The following LINGO2 variants were observed in gnomAD, a reference collection of about 807,000 sequenced individuals.
The protein encoded by LINGO2 is leucine rich repeat and Ig domain containing 2.
In LINGO2, 14 loss-of-function variants were observed where a neutral mutation model predicts 30.6. That is an observed-to-expected ratio of 0.46 (90% CI 0.30 to 0.72). The LOEUF (loss-of-function observed/expected upper bound fraction) is 0.72, where lower values mean the gene tolerates loss of function less well. Among genes scored for constraint, LINGO2 ranks in the 30% least tolerant of loss-of-function variants. The pLI is 0.07. For synonymous variants in LINGO2, 317 were observed against 288.5 expected (o/e 1.10, Z -1.00); for missense variants, 729 against 751.7 (o/e 0.97, Z 0.35).
At chr9:28,049,291 C>G (rs992467567) in intron 4 of LINGO2, among the ~76,000 whole-genome samples, 1 of 150,712 alleles carries the variant, frequency 6.6e-6, no homozygotes, top group African/African-American at 2.5e-5. Flanking sequence ...CCCTGTTGGT[C>G]TAGTGGAGGT....
intron 4 of LINGO2, among the ~76,000 whole-genome samples, chr9:28,053,483 T>C (rs761312126): frequency 9.2e-5 from 14 of 152,092 alleles, no homozygotes; most frequent in Non-Finnish European, 1.2e-4. Flanking sequence ...TTGACAAAAA[T>C]AGAATAGAAA....
chr9:28,420,608 G>T (rs1322526883), intron 2 of LINGO2, among the ~76,000 whole-genome samples: 1 of 152,044 alleles, frequency 6.6e-6, no homozygotes, highest in Non-Finnish European at 1.5e-5. Flanking sequence ...CTGGGGAGGG[G>T]CCAGGGATTT....
chr9:28,352,979 T>G (rs1470178755), intron 3 of LINGO2, among the ~76,000 whole-genome samples: 2 of 149,170 alleles, frequency 1.3e-5, no homozygotes, highest in Admixed American at 6.7e-5. Context: ...ATCCCTTCCT[T>G]ACACCTTATA....
intron 4 of LINGO2, among the ~76,000 whole-genome samples, chr9:28,289,026 C>T (rs1203365020): frequency 6.6e-6 from 1 of 152,114 alleles, no homozygotes; most frequent in African/African-American, 2.4e-5. Flanking sequence ...CAAATCTTTA[C>T]TTTAAAAAAT....
the LINGO2 span, among the ~76,000 whole-genome samples, chr9:28,692,433 C>T: frequency 1.3e-5 from 2 of 152,006 alleles, no homozygotes; most frequent in African/African-American, 4.8e-5. Context: ...CAAGATCGTG[C>T]CAGTTCACTT....
the LINGO2 span, among the ~76,000 whole-genome samples, chr9:28,679,472 G>A: frequency 3.3e-5 from 5 of 152,034 alleles, no homozygotes; most frequent in African/African-American, 7.2e-5. Flanking sequence ...TCCTCAAAAC[G>A]GAAAGTATAA....
At chr9:28,856,937 G>C in the LINGO2 span, among the ~76,000 whole-genome samples, 12 of 152,064 alleles carry the variant, frequency 7.9e-5, no homozygotes, top group African/African-American at 2.7e-4. Flanking sequence ...GGTGATGGGA[G>C]ATGAAGGATG....
At position 28,143,896 on chromosome 9, in the gene LINGO2, T is replaced by G. The variant is rs541218088; in HGVS notation, c.-86-131491A>C. Among the ~76,000 whole-genome samples, 348 of 152,270 alleles carry G rather than the reference T, an allele frequency of 2.3e-3. 2 individuals are homozygous for G. The highest frequency in any genetic ancestry group is 8.1e-3 in the African/African-American group (336 of 41,570). ...AAACAAGAGGTAATTATTAGATCTT[T>G]TTGGTTATATTTATTTTTATAAAAA... is the stretch of plus-strand genomic sequence containing the variant. On this transcript the variant is annotated intron_variant, in intron 4 of 5. Transcript: ENST00000379992.
the LINGO2 span, among the ~76,000 whole-genome samples, chr9:28,951,024 G>A: frequency 6.6e-6 from 1 of 152,122 alleles, no homozygotes; most frequent in Non-Finnish European, 1.5e-5. Context: ...AAACAGCATG[G>A]TACTGGTACC....
chr9:28,109,022 C>A (rs1404845787), intron 4 of LINGO2, among the ~76,000 whole-genome samples: 1 of 152,150 alleles, frequency 6.6e-6, no homozygotes, highest in East Asian at 1.9e-4. Context: ...CCAAATCCAG[C>A]AGCACATCAA....
At chr9:28,128,996 C>A (rs900247041) in intron 4 of LINGO2, among the ~76,000 whole-genome samples, 2 of 152,108 alleles carry the variant, frequency 1.3e-5, no homozygotes, top group African/African-American at 4.8e-5. Flanking sequence ...AGTCTTCTGG[C>A]CTTCATCTTT....
chr9:28,064,356 T>G (rs1209092574), intron 4 of LINGO2, among the ~76,000 whole-genome samples: 1 of 152,142 alleles, frequency 6.6e-6, no homozygotes, highest in Non-Finnish European at 1.5e-5. Flanking sequence ...TATAGCAGGT[T>G]GGATTTCCAG....
intron 2 of LINGO2, among the ~76,000 whole-genome samples, chr9:28,432,442 A>T (rs1413642161): frequency 6.6e-6 from 1 of 151,834 alleles, no homozygotes; most frequent in African/African-American, 2.4e-5. Context: ...TTTCAACTGC[A>T]ATTTCAAGAA....
At chr9:27,942,642 A>T in the LINGO2 span, 1 of 152,142 alleles carries the variant, frequency 6.6e-6, no homozygotes, top group Non-Finnish European at 1.5e-5. Flanking sequence ...GTTCTTGGTT[A>T]TTAACTTTCA....
intron 5 of LINGO2, among the ~76,000 whole-genome samples, chr9:27,986,825 G>T (rs1014553276): frequency 6.6e-6 from 1 of 151,842 alleles, no homozygotes; most frequent in African/African-American, 2.4e-5. Context: ...GCTGGAGAAG[G>T]GTGGGTTATA....
At chr9:28,316,788 A>C (rs1210962979) in intron 3 of LINGO2, among the ~76,000 whole-genome samples, 1 of 152,176 alleles carries the variant, frequency 6.6e-6, no homozygotes, top group African/African-American at 2.4e-5. Context: ...AAGAAGTTCC[A>C]AGAAGGCCTT....
At chr9:28,083,643 A>T (rs756195262) in intron 4 of LINGO2, among the ~76,000 whole-genome samples, 1 of 152,150 alleles carries the variant, frequency 6.6e-6, no homozygotes, top group Non-Finnish European at 1.5e-5. Context: ...GCCAAGCATA[A>T]TGCCTGGTAC....
At chr9:28,492,616 A>T (rs552845074) in intron 1 of LINGO2, among the ~76,000 whole-genome samples, 1 of 152,270 alleles carries the variant, frequency 6.6e-6, no homozygotes, top group South Asian at 2.1e-4. Flanking sequence ...AACTCCTGAA[A>T]TACTAACAGC....
intron 3 of LINGO2, among the ~76,000 whole-genome samples, chr9:28,317,829 T>C (rs531923403): frequency 6.6e-6 from 1 of 152,160 alleles, no homozygotes; most frequent in Non-Finnish European, 1.5e-5. Context: ...AAGTCACAGT[T>C]CTGTCTGCCA....
Sources: gnomAD v4.1 joint callset for allele counts (sites outside exome capture counted in the v4.1 genomes callset) on GRCh38, gnomAD v4.1.1 for gene constraint, MANE v1.5 for transcripts, NCBI Gene and HGNC (gene_info 2026-07-23, HGNC 2026-07-21) for gene names.